Variants in MAP1A observed in about 807,000 individuals in gnomAD.
MAP1A encodes microtubule associated protein 1A.
In MAP1A, 42 loss-of-function variants were observed where a neutral mutation model predicts 185.9. That is an observed-to-expected ratio of 0.23 (90% CI 0.18 to 0.29). MAP1A has a LOEUF of 0.29. Among genes scored for constraint, MAP1A ranks in the 10% least tolerant of loss-of-function variants. The probability of loss-of-function intolerance (pLI) is 1.00; values close to 1 mark genes in which losing one functional copy is unlikely to be tolerated. For synonymous variants in MAP1A, 1,229 were observed against 1,335.9 expected (o/e 0.92, Z 1.74); for missense variants, 2,995 against 3,450.4 (o/e 0.87, Z 3.31).
chr15:43,524,760 A>C lies in MAP1A; in HGVS notation c.3287A>C (p.Lys1096Thr). The C allele has an allele frequency of 1.2e-6, 2 of 1,614,128 alleles. No homozygotes were observed. The highest frequency in any genetic ancestry group is 1.7e-6 in the Non-Finnish European group (2 of 1,179,998). Reference protein sequence around the residue: ...CTIQLLPAQDKAIVFEIMEAG... With the variant: ...CTIQLLPAQDTAIVFEIMEAG... ...ATTCAACTGTTGCCAGCACAGGATA[A>C]AGCAATAGTCTTTGAGATTATGGAG... Residue 1096 changes from lysine to threonine, a missense_variant, in exon 4 of 6, where the codon AAA becomes ACA. Coordinates refer to ENST00000300231, the MANE Select transcript of MAP1A (RefSeq NM_002373.6).
Position 43,522,870 on chromosome 15 carries a change from C to T in MAP1A, c.1397C>T (p.Pro466Leu), listed in dbSNP as rs1425048114. Residue 466 changes from proline to leucine, a missense_variant, in exon 4 of 6, where the codon CCC (proline) becomes CTC (leucine). By Grantham distance (98) the Pro-to-Leu change is moderately conservative (BLOSUM62 -3). Transcript: ENST00000300231. This position sits in a 1 kb window ranked among gnomAD's most constrained non-coding sequence, Gnocchi z 5.9. ...LKKISKPDLK[P>L]FTPEVRKTLY... Reference sequence around the variant, plus strand: ...AAGATTTCCAAGCCAGACCTAAAGCCCTTTACTCCTGAGGTACGTAAGACC... The same window carrying T: ...AAGATTTCCAAGCCAGACCTAAAGCTCTTTACTCCTGAGGTACGTAAGACC... The T allele has an allele frequency of 6.2e-7, 1 of 1,609,654 alleles. No individual in the cohort carries two copies. The highest frequency in any genetic ancestry group is 8.5e-7 in the Non-Finnish European group (1 of 1,177,756).
Position 43,524,845 on chromosome 15 carries a change from T to C in MAP1A, c.3372T>C (p.Thr1124=). 6.2e-7 allele frequency: 1 copy of C among 1,614,102 alleles called. No homozygotes were observed. Among genetic ancestry groups the C allele is most frequent in the Non-Finnish European group, 8.5e-7 (1 of 1,180,018 alleles). ...AAGCCCTTCCCGGAGGTTTGAGGAC[T>C]TTACCCCAAGAACCTGGCAAACCTC... ...GAEALPGGLR[T]LPQEPGKPQK... The change falls in exon 4 of 6, where the codon ACT becomes ACC. Residue 1124 remains threonine (T), a synonymous_variant. Transcript: ENST00000300231.
Position 43,528,746 on chromosome 15 carries a change from A to G in MAP1A, c.7273A>G (p.Ser2425Gly), listed in dbSNP as rs1296314408. The G allele has an allele frequency of 3.1e-6, 5 of 1,613,368 alleles. No homozygotes were observed. The highest frequency in any genetic ancestry group is 4.2e-6 in the Non-Finnish European group (5 of 1,179,690). Residue 2425 changes from serine (S) to glycine (G), a missense_variant, in exon 4 of 6, where the codon AGT (serine) becomes GGT (glycine). Transcript: ENST00000300231. ...PAGGSGGPPS[S>G]ASPEVEAGPQ... ...AGGGGGCTCCGGGGGCCCACCCAGC[A>G]GTGCCTCTCCTGAGGTCGAAGCTGG... is the stretch of plus-strand genomic sequence containing the variant.
At chr15:43,512,852 T>C (rs1437759527), upstream of MAP1A, among the ~76,000 whole-genome samples, 1 of 152,186 alleles carries the variant, frequency 6.6e-6, no homozygotes, top group African/African-American at 2.4e-5. Context: ...CTCCTGAATT[T>C]ACTGCTACAA....
intron 1 of MAP1A, chr15:43,511,290 C>CAG: frequency 7.8e-7 from 1 of 1,287,658 alleles, no homozygotes; most frequent in Non-Finnish European, 1.1e-6. Context: ...CTTCTGCATT[C>CAG]AACTACCAAT....
chr15:43,529,856 G>A lies in MAP1A; in HGVS notation c.8242G>A (p.Gly2748Arg). Reference sequence around the variant, plus strand: ...CCTGCTGGAGGGCAAGGCCCAGTGGGGGGAGAATCTTCAGGTGAGTAGCAA... The same window carrying A: ...CCTGCTGGAGGGCAAGGCCCAGTGGAGGGAGAATCTTCAGGTGAGTAGCAA... Reference protein sequence around the residue: ...DALLEGKAQWGENLQVTLIPT... With the variant: ...DALLEGKAQWRENLQVTLIPT... The change falls in exon 5 of 6, where the codon GGG (glycine) becomes AGG (arginine). Residue 2748 changes from glycine to arginine, a missense_variant. By Grantham distance (125) the Gly-to-Arg change is moderately radical. Around this residue, in one of 3 missense-constraint regions of MAP1A, gnomAD observed 2,728 missense variants for 2,986.0 expected, o/e 0.91. Coordinates refer to ENST00000300231, the MANE Select transcript of MAP1A (RefSeq NM_002373.6). This position sits in a 1 kb window ranked among gnomAD's most constrained non-coding sequence, Gnocchi z 4.3. 1 of 1,613,526 alleles carries A rather than the reference G, an allele frequency of 6.2e-7. No individual in the cohort carries two copies. The highest frequency in any genetic ancestry group is 8.5e-7 in the Non-Finnish European group (1 of 1,180,034).
rs776194955 is a variant in MAP1A, at chr15:43,522,593, C to G, written c.1120C>G (p.Pro374Ala). The change falls in exon 4 of 6, where the codon CCT becomes GCT. Residue 374 changes from proline to alanine, a missense_variant. Transcript: ENST00000300231. This position sits in a 1 kb window ranked among gnomAD's most constrained non-coding sequence, Gnocchi z 5.9. ...GTCATCTGAGAAGCCCCCAGAGAAG[C>G]CTGCCAAGCCTGAGAGGGTGAAGAC... is the stretch of plus-strand genomic sequence containing the variant. Reference protein sequence around the residue: ...KESSEKPPEKPAKPERVKTES... With the variant: ...KESSEKPPEKAAKPERVKTES... 4 of 1,612,060 alleles carry G rather than the reference C, an allele frequency of 2.5e-6. No homozygotes were observed. In the East Asian group the frequency reaches 6.7e-5, roughly 27 times the overall value.
rs775729927 is a variant in MAP1A, at chr15:43,528,252, C to A, written c.6779C>A (p.Ser2260Tyr). The change falls in exon 4 of 6, where the codon TCC becomes TAC. Residue 2260 changes from serine to tyrosine, a missense_variant. Physicochemically the swap from Ser to Tyr is moderately radical, Grantham distance 144. This residue lies in a region of MAP1A where 2,728 missense variants were observed against 2,986.0 expected (regional missense o/e 0.91). Coordinates refer to ENST00000300231, the MANE Select transcript of MAP1A (RefSeq NM_002373.6). ...PASPALSEGS[S>Y]SEATTPVISS... ...TCACCAGCCCTGTCTGAGGGCTCCT[C>A]CTCTGAGGCTACCACGCCTGTGATT... The A allele has an allele frequency of 2.3e-5, 37 of 1,613,988 alleles. No homozygotes were observed. Among genetic ancestry groups the A allele is most frequent in the Admixed American group, 6.7e-5 (4 of 60,014 alleles).
chr15:43,529,731 C>A lies in MAP1A; in HGVS notation c.8117C>A (p.Thr2706Asn). The A allele has an allele frequency of 6.2e-7, 1 of 1,614,230 alleles. No homozygotes were observed. Among genetic ancestry groups the A allele is most frequent in the Non-Finnish European group, 8.5e-7 (1 of 1,180,030 alleles). ...ATCCCGAATCATTGCAGTGGCAAGA[C>A]TGCTGACCTTGACTTCTTCCGTCGA... ...AYIPNHCSGK[T>N]ADLDFFRRVR... Residue 2706 changes from threonine to asparagine, a missense_variant, in exon 5 of 6, where the codon ACT becomes AAT. Transcript: ENST00000300231. The surrounding 1 kb of genome is among the most constrained non-coding windows in gnomAD (Gnocchi z 4.3).
chr15:43,515,857 C>T (rs928067675), upstream of MAP1A, among the ~76,000 whole-genome samples: 1 of 152,098 alleles, frequency 6.6e-6, no homozygotes, highest in Non-Finnish European at 1.5e-5. Flanking sequence ...GCAGCAGAGC[C>T]TAGGAATACA....
chr15:43,510,974 T>C lies in MAP1A; in HGVS notation c.-15T>C, dbSNP rs1193492229. 3.2e-5 allele frequency: 49 copies of C among 1,520,314 alleles called. No individual in the cohort carries two copies. In the South Asian group the frequency reaches 4.1e-4, roughly 13 times the overall value. The allele number at this position is 1,520,314 out of a possible 1,614,324, so 94.2% of individuals were successfully genotyped here. A position where few individuals can be genotyped will look rare whatever the true frequency, so the allele number is the denominator to read the frequency against. On this transcript the variant is annotated 5_prime_UTR_variant, in exon 1 of 7. Transcript: ENST00000382031. ...GCAGCGGAAGCTGCCGGACTAACACTCCGCGGGTGTTTCCATGGAGACCGA... is the reference window on the plus strand; with the variant it reads ...GCAGCGGAAGCTGCCGGACTAACACCCCGCGGGTGTTTCCATGGAGACCGA...
In MAP1A at chr15:43,521,764, C is replaced by A. The variant is rs769281175; in HGVS notation, c.291C>A (p.Gly97=). The change falls in exon 4 of 6, where the codon GGC becomes GGA. Residue 97 remains glycine (G), a synonymous_variant. Coordinates refer to ENST00000300231, the MANE Select transcript of MAP1A (RefSeq NM_002373.6). The surrounding 1 kb of genome is among the most constrained non-coding windows in gnomAD (Gnocchi z 4.6). Reference sequence around the variant, plus strand: ...ACATTGGGGCAGACAACCTGCCAGGCATCAATGGACTACTGCAGCGCAAAG... The same window carrying A: ...ACATTGGGGCAGACAACCTGCCAGGAATCAATGGACTACTGCAGCGCAAAG... ...LTHIGADNLP[G]INGLLQRKVA... is the part of the protein sequence containing the mutation. 6.2e-7 allele frequency: 1 copy of A among 1,614,236 alleles called. No homozygotes were observed. Among genetic ancestry groups the A allele is most frequent in the Non-Finnish European group, 8.5e-7 (1 of 1,180,046 alleles).
Position 43,523,498 on chromosome 15 carries a change from A to C in MAP1A, c.2025A>C (p.Thr675=), listed in dbSNP as rs1419310389. ...CAGATGAGGAGGAAGAGGACGCGAC[A>C]AAAGCTGAGGGTTTTTACCAAAAAC... ...HPSDEEEEDA[T]KAEGFYQKHM... The change falls in exon 4 of 6, where the codon ACA becomes ACC. Residue 675 remains threonine, a synonymous_variant. Transcript: ENST00000300231. The C allele has an allele frequency of 1.2e-6, 2 of 1,614,008 alleles. No homozygotes were observed. The highest frequency in any genetic ancestry group is 2.7e-5 in the African/African-American group (2 of 74,920).
chr15:43,527,252 A>G lies in MAP1A; in HGVS notation c.5779A>G (p.Lys1927Glu), dbSNP rs147141458. The G allele has an allele frequency of 0.011, 17,554 of 1,614,108 alleles. 170 individuals are homozygous for G. The highest frequency in any genetic ancestry group is 0.054 in the Middle Eastern group (326 of 6,062). ...AGAAGGTAGGGCTGAGGCTCCTGAC[A>G]AAAGCTCACACAGCTCAAAGGTACC... ...EEEGRAEAPD[K>E]SSHSSKVPEA... Residue 1927 changes from lysine to glutamate, a missense_variant, in exon 4 of 6, where the codon AAA becomes GAA. By Grantham distance (56) the Lys-to-Glu change is moderately conservative. Coordinates refer to ENST00000300231, the MANE Select transcript of MAP1A (RefSeq NM_002373.6).
In MAP1A at chr15:43,527,251, C is replaced by T. The variant is rs752598263; in HGVS notation, c.5778C>T (p.Asp1926=). The part of the protein sequence containing the change: ...REEEGRAEAP[D]KSSHSSKVPE... ...AAGAAGGTAGGGCTGAGGCTCCTGA[C>T]AAAAGCTCACACAGCTCAAAGGTAC... The change falls in exon 4 of 6, where the codon GAC becomes GAT. Residue 1926 remains aspartate, a synonymous_variant. Transcript: ENST00000300231. The T allele has an allele frequency of 6.2e-7, 1 of 1,614,106 alleles. No individual in the cohort carries two copies. The highest frequency in any genetic ancestry group is 1.1e-5 in the South Asian group (1 of 91,088).
At position 43,529,488 on chromosome 15, in the gene MAP1A, A is replaced by G. The variant is rs187906946; in HGVS notation, c.8015A>G (p.Asn2672Ser). 281 of 1,609,016 alleles carry G rather than the reference A, an allele frequency of 1.7e-4. 1 individual carries two copies. The East Asian group carries it at 4.0e-3, about 23-fold the overall frequency. Reference sequence around the variant, plus strand: ...AGCCCCATGTCCAAAGGCCTAGTCAATGGACTCAAGGCAGGACCAAGTAAG... The same window carrying G: ...AGCCCCATGTCCAAAGGCCTAGTCAGTGGACTCAAGGCAGGACCAAGTAAG... ...GHSPMSKGLVNGLKAGPMALS... is the reference protein window; with the variant it reads ...GHSPMSKGLVSGLKAGPMALS... The change falls in exon 4 of 6, where the codon AAT (asparagine) becomes AGT (serine). Residue 2672 changes from asparagine to serine, a missense_variant. Asn to Ser is a conservative substitution (Grantham distance 46). Coordinates refer to ENST00000300231, the MANE Select transcript of MAP1A (RefSeq NM_002373.6). The surrounding 1 kb of genome is among the most constrained non-coding windows in gnomAD (Gnocchi z 4.3).
In MAP1A at chr15:43,523,967, A is replaced by G. The variant is rs555271896; in HGVS notation, c.2494A>G (p.Ile832Val). The G allele has an allele frequency of 5.6e-6, 9 of 1,614,118 alleles. No homozygotes were observed. The highest frequency in any genetic ancestry group is 3.3e-5 in the Admixed American group (2 of 60,026). Reference protein sequence around the residue: ...EEEHVSSATSITECDKLSSFA... With the variant: ...EEEHVSSATSVTECDKLSSFA... Reference sequence around the variant, plus strand: ...GGAACATGTGTCCTCGGCCACTTCAATCACTGAGTGTGACAAACTTTCTTC... The same window carrying G: ...GGAACATGTGTCCTCGGCCACTTCAGTCACTGAGTGTGACAAACTTTCTTC... The change falls in exon 4 of 6, where the codon ATC (isoleucine) becomes GTC (valine). Residue 832 changes from isoleucine to valine, a missense_variant. Ile to Val is a conservative substitution (Grantham distance 29, BLOSUM62 3). Transcript: ENST00000300231.
In MAP1A at chr15:43,525,955, G is replaced by C. The variant is rs1486385683; in HGVS notation, c.4482G>C (p.Glu1494Asp). 4 of 1,613,982 alleles carry C rather than the reference G, an allele frequency of 2.5e-6. No homozygotes were observed. Among genetic ancestry groups the C allele is most frequent in the African/African-American group, 1.3e-5 (1 of 74,914 alleles). Residue 1494 changes from glutamate to aspartate, a missense_variant, in exon 4 of 6, where the codon GAG becomes GAC. This residue lies in a region of MAP1A where 2,728 missense variants were observed against 2,986.0 expected (regional missense o/e 0.91). Transcript: ENST00000300231. ...AACAGAAGGAGAAGATCCCAGAAGA[G>C]AAAGACAAAGCCTTAGATCAAAAAG... ...VLEQKEKIPE[E>D]KDKALDQKVR... is the part of the protein sequence containing the mutation.
chr15:43,511,273 T>C, intron 1 of MAP1A: 1 of 1,445,348 alleles, frequency 6.9e-7, no homozygotes, highest in Non-Finnish European at 9.5e-7. Flanking sequence ...ACCCTGTGCT[T>C]CTCCGCCTTC....
Sources: gnomAD v4.1 joint callset for allele counts (sites outside exome capture counted in the v4.1 genomes callset) on GRCh38, gnomAD v4.1.1 for gene constraint, gnomAD v4.1.1 regional missense constraint, Gnocchi (gnomAD v3.1) non-coding constraint, MANE v1.5 for transcripts, NCBI Gene and HGNC (gene_info 2026-07-23, HGNC 2026-07-21) for gene names.